The following PRDM6 variants were observed in gnomAD, a reference collection of about 807,000 sequenced individuals.
PRDM6 encodes the protein putative histone-lysine N-methyltransferase PRDM6.
Under a neutral mutation model 60.8 loss-of-function variants are expected in PRDM6, and 25 were observed. The observed-to-expected ratio is 0.41, with a 90% CI of 0.30 to 0.57. The LOEUF (loss-of-function observed/expected upper bound fraction) is 0.57, where lower values mean the gene tolerates loss of function less well. Ranked by LOEUF, PRDM6 falls within the 20% of genes least tolerant of loss-of-function variation. The pLI, the probability that PRDM6 is intolerant of heterozygous loss-of-function variation, is 0.27. For synonymous variants in PRDM6, 407 were observed against 357.4 expected, an observed-to-expected ratio of 1.14 and a Z score of -1.57; for missense variants, 839 against 821.3, an observed-to-expected ratio of 1.02 and a Z score of -0.26.
chr5:123,152,411 T>C (rs1370151019), intron 3 of PRDM6, among the ~76,000 whole-genome samples: 4 of 152,138 alleles, frequency 2.6e-5, no homozygotes, highest in African/African-American at 9.7e-5. Context: ...TTTCAGAAGT[T>C]AGAAATCTCA....
At chr5:123,098,707 G>T (rs1764020252) in intron 2 of PRDM6, among the ~76,000 whole-genome samples, 1 of 152,188 alleles carries the variant, frequency 6.6e-6, no homozygotes, top group South Asian at 2.1e-4. Flanking sequence ...GAGAACAGCC[G>T]TCGGGGCAGG....
intron 3 of PRDM6, among the ~76,000 whole-genome samples, chr5:123,107,340 G>A (rs990228680): frequency 6.6e-6 from 1 of 152,110 alleles, no homozygotes; most frequent in African/African-American, 2.4e-5. Context: ...CTGGATTTTA[G>A]GTCAATTAAT....
chr5:123,161,092 T>C (rs952645256), intron 5 of PRDM6, among the ~76,000 whole-genome samples: 1 of 152,236 alleles, frequency 6.6e-6, no homozygotes, highest in Non-Finnish European at 1.5e-5. Flanking sequence ...CTAGAGTGTT[T>C]GATCCAAAAG....
At chr5:123,181,158 CT>C (rs1455927312) in intron 7 of PRDM6, among the ~76,000 whole-genome samples, 1 of 152,194 alleles carries the variant, frequency 6.6e-6, no homozygotes, top group African/African-American at 2.4e-5. Flanking sequence ...CAAGTATGTA[CT>C]TTTTTGCTAG....
At chr5:123,096,217 C>T (rs1247481110) in intron 2 of PRDM6, among the ~76,000 whole-genome samples, 2 of 2,918 alleles carry the variant, frequency 6.9e-4, no homozygotes, top group Non-Finnish European at 1.6e-3. Flanking sequence ...TACTTGCTTC[C>T]TTGTTAGGAA....
chr5:123,159,555 G>T lies in PRDM6; in HGVS notation c.1070G>T (p.Gly357Val). ...FYRACIDIPR[G>V]TELLVWYNDS... ...CGAGCCTGTATAGATATCCCTAGGGGCACCGAGCTTCTGGTGTGGTACAAT... is the reference window on the plus strand; with the variant it reads ...CGAGCCTGTATAGATATCCCTAGGGTCACCGAGCTTCTGGTGTGGTACAAT... The change falls in exon 5 of 8, where the codon GGC becomes GTC. Residue 357 changes from glycine to valine, a missense_variant. By Grantham distance (109) the Gly-to-Val change is moderately radical. Coordinates refer to ENST00000407847, the MANE Select transcript of PRDM6 (RefSeq NM_001136239.4). The T allele has an allele frequency of 6.4e-7, 1 of 1,551,486 alleles. No homozygotes were observed. Among genetic ancestry groups the T allele is most frequent in the Non-Finnish European group, 8.7e-7 (1 of 1,146,828 alleles).
At chr5:123,142,899 A>AAAAAAAAAAAAAAC (rs1765143030) in intron 3 of PRDM6, among the ~76,000 whole-genome samples, 1 of 129,840 alleles carries the variant, frequency 7.7e-6, no homozygotes, top group African/African-American at 2.9e-5. Context: ...AAAAAAAAAA[A>AAAAAAAAAAAAAAC]AAACAAACAA....
intron 3 of PRDM6, among the ~76,000 whole-genome samples, chr5:123,143,148 AGTGTGTGTGTGT>A (rs139092433): frequency 1.4e-5 from 2 of 145,876 alleles, no homozygotes; most frequent in Admixed American, 6.8e-5. Flanking sequence ...TAGTTTTTAA[AGTGTGTGTGTGT>A]GTGTGTGTGT....
At chr5:123,187,038 C>T in intron 7 of PRDM6, 49 bp from the exon 8 acceptor site, 4 of 1,376,390 alleles carry the variant, frequency 2.9e-6, no homozygotes, top group Non-Finnish European at 4.0e-6. Context: ...AGCCCATCAC[C>T]CTGCAGGCCC....
intron 5 of PRDM6, among the ~76,000 whole-genome samples, chr5:123,167,751 A>G (rs1765789010): frequency 1.3e-5 from 2 of 152,184 alleles, no homozygotes; most frequent in Non-Finnish European, 2.9e-5. Flanking sequence ...CACTTAGAGT[A>G]TTATTTGTAT....
intron 3 of PRDM6, among the ~76,000 whole-genome samples, chr5:123,116,501 A>G (rs1764450316): frequency 6.6e-6 from 1 of 152,224 alleles, no homozygotes; most frequent in Non-Finnish European, 1.5e-5. Context: ...GTCATTGCAC[A>G]TCTTGTATTC....
At chr5:123,098,459 C>A (rs1309279393) in intron 2 of PRDM6, among the ~76,000 whole-genome samples, 1 of 152,244 alleles carries the variant, frequency 6.6e-6, no homozygotes, top group Non-Finnish European at 1.5e-5. Context: ...TCCTCCAGGC[C>A]CATTAATAAC....
chr5:123,166,469 A>G (rs1353755440), intron 5 of PRDM6, among the ~76,000 whole-genome samples: 2 of 151,078 alleles, frequency 1.3e-5, no homozygotes, highest in Non-Finnish European at 3.0e-5. Flanking sequence ...TTACATTTTA[A>G]TCTTTCTGAA....
At chr5:123,093,558 T>G (rs1464383572) in intron 2 of PRDM6, among the ~76,000 whole-genome samples, 3 of 152,224 alleles carry the variant, frequency 2.0e-5, no homozygotes, top group African/African-American at 7.2e-5. Flanking sequence ...CCACCGAAGC[T>G]CTGAATGCTT....
chr5:123,168,491 T>G (rs1364981636), intron 5 of PRDM6, among the ~76,000 whole-genome samples: 1 of 152,228 alleles, frequency 6.6e-6, no homozygotes, highest in Non-Finnish European at 1.5e-5. Flanking sequence ...CTGGACCTTC[T>G]TGGGACTCGG....
Position 123,187,814 on chromosome 5 carries a change from T to C in PRDM6, c.*613T>C, listed in dbSNP as rs908475949. ...ACACGGTTTCTTCCAAACAGCCCGG[T>C]CTTGATGCAGGAGAGTCTGGAAAAG... On this transcript the variant is annotated 3_prime_UTR_variant, in exon 8 of 8. Transcript: ENST00000407847. 2 of 152,260 alleles carry C rather than the reference T, an allele frequency of 1.3e-5. No homozygotes were observed. Among genetic ancestry groups the C allele is most frequent in the African/African-American group, 4.8e-5 (2 of 41,450 alleles). 9.4% of individuals were successfully genotyped at this position (152,260 alleles called of 1,614,324 possible). A position where few individuals can be genotyped will look rare whatever the true frequency, so the allele number is the denominator to read the frequency against.
chr5:123,137,741 A>G (rs1764996409), intron 3 of PRDM6, among the ~76,000 whole-genome samples: 1 of 152,144 alleles, frequency 6.6e-6, no homozygotes, highest in African/African-American at 2.4e-5. Context: ...ATACCTATGT[A>G]ACAGACCTGC....
chr5:123,165,036 C>T (rs1313104010), intron 5 of PRDM6, among the ~76,000 whole-genome samples: 1 of 152,226 alleles, frequency 6.6e-6, no homozygotes, highest in African/African-American at 2.4e-5. Flanking sequence ...GCTTGCCTCA[C>T]TTCCCAACAG....
chr5:123,111,372 A>G (rs564078102), intron 3 of PRDM6, among the ~76,000 whole-genome samples: 4 of 152,314 alleles, frequency 2.6e-5, no homozygotes, highest in South Asian at 2.1e-4. Context: ...TTTGTTAACA[A>G]ATGTCCCAGG....
Sources: allele counts gnomAD v4.1 joint callset (sites outside exome capture counted in the v4.1 genomes callset), GRCh38; gene constraint gnomAD v4.1.1; transcripts MANE v1.5; gene names NCBI Gene and HGNC (gene_info 2026-07-23, HGNC 2026-07-21).